SCN2A: variants seen among roughly 807,000 people sequenced by gnomAD.
The protein encoded by SCN2A is sodium voltage-gated channel alpha subunit 2.
In SCN2A, 20 loss-of-function variants were observed where a neutral mutation model predicts 188.7. That is an observed-to-expected ratio of 0.11 (90% CI 0.07 to 0.15). SCN2A has a LOEUF of 0.15. Among genes scored for constraint, SCN2A ranks in the 10% least tolerant of loss-of-function variants. The pLI, the probability that SCN2A is intolerant of heterozygous loss-of-function variation, is 1.00. For synonymous variants in SCN2A, 804 were observed against 833.1 expected, an observed-to-expected ratio of 0.97 and a Z score of 0.60; for missense variants, 1,278 against 2,445.0, an observed-to-expected ratio of 0.52 and a Z score of 10.07.
At chr2:165,302,030 C>T (rs962954336) in intron 3 of SCN2A, among the ~76,000 whole-genome samples, 4 of 152,188 alleles carry the variant, frequency 2.6e-5, no homozygotes, top group African/African-American at 9.7e-5. Flanking sequence ...ATACTTGGGG[C>T]ATTGCCAGTG....
At chr2:165,343,249 A>C (rs1699404642) in intron 15 of SCN2A, among the ~76,000 whole-genome samples, 1 of 152,186 alleles carries the variant, frequency 6.6e-6, no homozygotes, top group Admixed American at 6.5e-5. Flanking sequence ...ATTAGGCTGA[A>C]GACTTTTTCA....
In SCN2A at chr2:165,347,818, G is replaced by A. The variant is rs187447741; in HGVS notation, c.2919+2907G>A. On this transcript the variant is annotated intron_variant, in intron 16 of 26. Coordinates refer to ENST00000375437, the MANE Select transcript of SCN2A (RefSeq NM_001040142.2). ...TGCTTTACAATAGGAAGGTTGATCA[G>A]GGAAGTCTTTGTCAAAGAGTTTGGA... 6.9e-3 allele frequency among the ~76,000 whole-genome samples: 1,047 copies of A among 152,240 alleles called. 4 individuals are homozygous for A. The highest frequency in any genetic ancestry group is 0.011 in the Non-Finnish European group (736 of 68,012).
chr2:165,341,734 A>G (rs989689714), intron 14 of SCN2A, among the ~76,000 whole-genome samples: 2 of 152,230 alleles, frequency 1.3e-5, no homozygotes, highest in Non-Finnish European at 2.9e-5. Flanking sequence ...GGCTGAGGTT[A>G]TGTGCAGAAG....
intron 1 of SCN2A, among the ~76,000 whole-genome samples, chr2:165,281,071 A>T (rs2106120407): frequency 6.6e-6 from 1 of 152,272 alleles, no homozygotes; most frequent in African/African-American, 2.4e-5. Context: ...AATAAAATAA[A>T]TTAGCCAGGC....
At position 165,381,620 on chromosome 2, in the gene SCN2A, T is replaced by G. The variant is rs146646784; in HGVS notation, c.4551+423T>G. ...TCAGTTTTTGTCCAACTCTGCAGAT[T>G]GAATGGAATCATTAATGAAACAGGC... is the stretch of plus-strand genomic sequence containing the variant. On this transcript the variant is annotated intron_variant, in intron 25 of 26. Transcript: ENST00000375437. Among the ~76,000 whole-genome samples, 323 of 152,088 alleles carry G rather than the reference T, an allele frequency of 2.1e-3. 3 individuals are homozygous for G. Among genetic ancestry groups the G allele is most frequent in the African/African-American group, 7.6e-3 (314 of 41,526 alleles).
At chr2:165,286,664 T>C (rs965225854) in intron 1 of SCN2A, among the ~76,000 whole-genome samples, 3 of 152,124 alleles carry the variant, frequency 2.0e-5, no homozygotes, top group African/African-American at 7.2e-5. Context: ...TGTAAATCCA[T>C]TTGGTGTCAT....
chr2:165,340,473 T>G (rs1574631987), intron 14 of SCN2A, among the ~76,000 whole-genome samples: 1 of 152,092 alleles, frequency 6.6e-6, no homozygotes, highest in Admixed American at 6.5e-5. Flanking sequence ...GAAGCAAAAC[T>G]GTGGAGAAAA....
intron 1 of SCN2A, among the ~76,000 whole-genome samples, chr2:165,242,043 AT>A (rs1218625585): frequency 2.6e-5 from 4 of 151,908 alleles, no homozygotes; most frequent in Admixed American, 6.6e-5. Flanking sequence ...TGCAGTTGTT[AT>A]TTTTTTTCCC....
intron 1 of SCN2A, among the ~76,000 whole-genome samples, chr2:165,282,384 G>A (rs1313931486): frequency 1.3e-5 from 2 of 152,074 alleles, no homozygotes; most frequent in African/African-American, 4.8e-5. Flanking sequence ...GGGGGATGGG[G>A]GCAGACATTA....
chr2:165,345,451 C>T (rs1202485059), intron 16 of SCN2A, among the ~76,000 whole-genome samples: 4 of 152,052 alleles, frequency 2.6e-5, no homozygotes, highest in Non-Finnish European at 5.9e-5. Context: ...TTGCATTGAT[C>T]CCTTTTACCA....
At chr2:165,278,302 G>T (rs1460566585) in intron 1 of SCN2A, among the ~76,000 whole-genome samples, 1 of 152,150 alleles carries the variant, frequency 6.6e-6, no homozygotes, top group Non-Finnish European at 1.5e-5. Context: ...ATTTACAAAG[G>T]AAAGAGGTTT....
Position 165,295,858 on chromosome 2 carries a change from A to T in SCN2A, c.35A>T (p.Asp12Val). Residue 12 changes from aspartate to valine, a missense_variant, in exon 2 of 27, where the codon GAC (aspartate) becomes GTC (valine). Asp to Val is a radical substitution (Grantham distance 152). Transcript: ENST00000375437. ...AQSVLVPPGP[D>V]SFRFFTRESL... The stretch of plus-strand genomic sequence containing the variant: ...TCAGTGCTGGTACCGCCAGGACCTG[A>T]CAGCTTCCGCTTCTTTACCAGGGAA... 6.2e-7 allele frequency: 1 copy of T among 1,614,176 alleles called. No individual in the cohort carries two copies. Among genetic ancestry groups the T allele is most frequent in the Non-Finnish European group, 8.5e-7 (1 of 1,180,022 alleles).
chr2:165,354,904 A>ATAGTATT, intron 17 of SCN2A, among the ~76,000 whole-genome samples: 1 of 152,266 alleles, frequency 6.6e-6, no homozygotes, highest in South Asian at 2.1e-4. Context: ...TGAATTCTTG[A>ATAGTATT]CAGTATTCTT....
chr2:165,313,957 T>G lies in SCN2A; in HGVS notation c.1232T>G (p.Leu411Trp). 6.2e-7 allele frequency: 1 copy of G among 1,613,920 alleles called. No individual in the cohort carries two copies. Among genetic ancestry groups the G allele is most frequent in the Non-Finnish European group, 8.5e-7 (1 of 1,179,802 alleles). ...YMIFFVLVIFLGSFYLINLIL... is the reference protein window; with the variant it reads ...YMIFFVLVIFWGSFYLINLIL... ...ATATTTTTTGTGCTGGTCATTTTCT[T>G]GGGCTCATTCTATCTAATAAATTTG... is the stretch of plus-strand genomic sequence containing the variant. The change falls in exon 10 of 27, where the codon TTG becomes TGG. Residue 411 changes from leucine to tryptophan, a missense_variant. This residue lies in a region of SCN2A where 42 missense variants were observed against 137.3 expected (regional missense o/e 0.31). Transcript: ENST00000375437.
At chr2:165,376,160 T>C (rs1701303342) in intron 22 of SCN2A, among the ~76,000 whole-genome samples, 1 of 151,824 alleles carries the variant, frequency 6.6e-6, no homozygotes, top group African/African-American at 2.4e-5. Flanking sequence ...ATATATTATA[T>C]ACTTGAAAAT....
intron 20 of SCN2A, 153 bp from the exon 21 acceptor site, chr2:165,373,072 C>G: frequency 1.3e-6 from 1 of 762,706 alleles, no homozygotes; most frequent in Non-Finnish European, 2.2e-6. Flanking sequence ...CTTACTAAGT[C>G]AGACTCTGCT....
rs1195374242 is a variant in SCN2A at position 165,390,308 on chromosome 2, G to A, written c.*484G>A. On this transcript the variant is annotated 3_prime_UTR_variant, in exon 27 of 27. Coordinates refer to ENST00000375437, the MANE Select transcript of SCN2A (RefSeq NM_001040142.2). ...TATTTTTGTAAATGGGTTTGTGTTT[G>A]GGGAGAGGGATTAAAGGGAGGGAAT... 1.2e-5 allele frequency: 2 copies of A among 168,908 alleles called. No individual in the cohort carries two copies. The highest frequency in any genetic ancestry group is 4.8e-5 in the African/African-American group (2 of 41,494). 10.5% of individuals were successfully genotyped at this position (168,908 alleles called of 1,614,324 possible).
intron 9 of SCN2A, 59 bp from the exon 10 acceptor site, chr2:165,313,843 G>A: frequency 6.2e-7 from 1 of 1,611,122 alleles, no homozygotes. Flanking sequence ...TTATTACTTA[G>A]AGTGTAAGTT....
intron 11 of SCN2A, among the ~76,000 whole-genome samples, chr2:165,319,714 A>T (rs988449777): frequency 6.6e-6 from 1 of 152,196 alleles, no homozygotes; most frequent in East Asian, 1.9e-4. Context: ...TTCTCCCCAT[A>T]TAACCACCAG....
Sources: gnomAD v4.1 joint callset for allele counts (sites outside exome capture counted in the v4.1 genomes callset) on GRCh38, gnomAD v4.1.1 for gene constraint, gnomAD v4.1.1 regional missense constraint, MANE v1.5 for transcripts, NCBI Gene and HGNC (gene_info 2026-07-23, HGNC 2026-07-21) for gene names.